UGT1A6: variants seen among roughly 807,000 people sequenced by gnomAD.
UGT1A6 encodes UDP glucuronosyltransferase family 1 member A6, also known as UDP-glucuronosyltransferase 1A6.
A neutral mutation model predicts 44.4 loss-of-function variants in UGT1A6; 32 were observed. The ratio of observed to expected loss-of-function variants is 0.72; its 90% CI spans 0.54 to 0.97. The LOEUF (loss-of-function observed/expected upper bound fraction) is 0.97, where lower values mean the gene tolerates loss of function less well. Among genes scored for constraint, UGT1A6 ranks in the 50% least tolerant of loss-of-function variants. UGT1A6 has a pLI of 0.00. For missense variants in UGT1A6, 685 were observed against 661.9 expected (o/e 1.03, Z -0.38); for synonymous variants, 238 against 248.5 (o/e 0.96, Z 0.40).
intron 1 of UGT1A6, among the ~76,000 whole-genome samples, chr2:233,757,562 G>GTATATATATATATATATATATATACATA (rs1491042837): frequency 2.2e-5 from 2 of 90,870 alleles, no homozygotes; most frequent in African/African-American, 1.0e-4. Flanking sequence ...ATATATATAT[G>GTATATATATATATATATATATATACATA]TATATATGAT....
In UGT1A6 at chr2:233,761,069, T is replaced by C. The variant is rs772142239; in HGVS notation, c.862-5965T>C. Reference sequence around the variant, plus strand: ...GTCTGGCTGTTTAGAAGTGACTTTGTGAAGGATTACCCTAGGCCCATCATG... The same window carrying C: ...GTCTGGCTGTTTAGAAGTGACTTTGCGAAGGATTACCCTAGGCCCATCATG... On this transcript the variant is annotated intron_variant, in intron 1 of 4. Coordinates refer to ENST00000305139, the MANE Select transcript of UGT1A6 (RefSeq NM_001072.4). 13 of 1,614,208 alleles carry C rather than the reference T, an allele frequency of 8.1e-6. No homozygotes were observed. In the East Asian group the frequency reaches 2.7e-4, roughly 33 times the overall value.
At chr2:233,768,066 C>A in intron 3 of UGT1A6, 130 bp downstream of exon 3, 1 of 1,597,468 alleles carries the variant, frequency 6.3e-7, no homozygotes, top group Non-Finnish European at 8.5e-7. Context: ...TGCTTTTTAT[C>A]TAGTGGGGTA....
intron 1 of UGT1A6, among the ~76,000 whole-genome samples, chr2:233,758,517 G>C (rs1696901755): frequency 6.6e-6 from 1 of 152,214 alleles, no homozygotes; most frequent in Non-Finnish European, 1.5e-5. Flanking sequence ...ACACAACAAA[G>C]AGTGAAAGCA....
chr2:233,748,214 G>A, intron 1 of UGT1A6: 1 of 1,480,602 alleles, frequency 6.8e-7, no homozygotes, highest in Non-Finnish European at 9.1e-7. Flanking sequence ...AGCCTTCAGT[G>A]AGATAAACTG....
At chr2:233,754,596 T>C (rs1463963826) in intron 1 of UGT1A6, 2 of 431,834 alleles carry the variant, frequency 4.6e-6, no homozygotes, top group Non-Finnish European at 9.3e-6. Context: ...TGAAGGACTT[T>C]AACTCAACTC....
At chr2:233,725,198 A>AGAGGCAGAGGCAGAGGCAGAG (rs1377722142) in intron 1 of UGT1A6, among the ~76,000 whole-genome samples, 1 of 86,634 alleles carries the variant, frequency 1.2e-5, no homozygotes, top group Non-Finnish European at 2.0e-5. Context: ...AGGCAGAGGC[A>AGAGGCAGAGGCAGAGGCAGAG]GAGGCAGAGG....
intron 1 of UGT1A6, among the ~76,000 whole-genome samples, chr2:233,702,959 T>C (rs1364239981): frequency 1.3e-5 from 2 of 152,224 alleles, no homozygotes; most frequent in Non-Finnish European, 2.9e-5. Flanking sequence ...TGAATATTAC[T>C]GGCCTTGTAG....
chr2:233,747,722 G>T (rs554726929), intron 1 of UGT1A6: 13 of 1,612,764 alleles, frequency 8.1e-6, no homozygotes, highest in South Asian at 3.3e-5. Context: ...TTCCTGCTGT[G>T]TTTTTTTTGA....
intron 1 of UGT1A6, among the ~76,000 whole-genome samples, chr2:233,732,521 T>C (rs2078280152): frequency 6.6e-6 from 1 of 152,252 alleles, no homozygotes; most frequent in South Asian, 2.1e-4. Flanking sequence ...TCCAGCTTTC[T>C]ACATATGGCC....
intron 1 of UGT1A6, 131 bp downstream of exon 1, chr2:233,693,996 G>T: frequency 6.6e-7 from 1 of 1,508,252 alleles, no homozygotes; most frequent in African/African-American, 1.4e-5. Context: ...GTGATACCCG[G>T]CTCGGAGCAG....
intron 1 of UGT1A6, among the ~76,000 whole-genome samples, chr2:233,757,570 G>C (rs1278180964): frequency 1.3e-5 from 1 of 75,608 alleles, no homozygotes; most frequent in African/African-American, 6.1e-5. Context: ...ATGTATATAT[G>C]ATATAGCTAT....
intron 1 of UGT1A6, among the ~76,000 whole-genome samples, chr2:233,709,500 C>T (rs558289619): frequency 6.6e-6 from 1 of 152,232 alleles, no homozygotes; most frequent in Non-Finnish European, 1.5e-5. Context: ...AAGTCTCTGC[C>T]TCTTGCTCTC....
At chr2:233,737,076 G>C (rs183644627) in intron 1 of UGT1A6, among the ~76,000 whole-genome samples, 1 of 152,350 alleles carries the variant, frequency 6.6e-6, no homozygotes, top group East Asian at 1.9e-4. Flanking sequence ...CTTCAGAGCT[G>C]TCAGACAGGG....
At chr2:233,713,006 C>T (rs755278737) in intron 1 of UGT1A6, 4 of 1,613,544 alleles carry the variant, frequency 2.5e-6, no homozygotes, top group Non-Finnish European at 3.4e-6. Context: ...CCACAGGACT[C>T]CAGGTTCCCC....
At chr2:233,762,172 G>A (rs964461264) in intron 1 of UGT1A6, among the ~76,000 whole-genome samples, 8 of 152,040 alleles carry the variant, frequency 5.3e-5, no homozygotes, top group East Asian at 3.9e-4. Flanking sequence ...TGTATGCGGC[G>A]TCCTCAACAC....
At chr2:233,715,304 G>A (rs1362641009) in intron 1 of UGT1A6, among the ~76,000 whole-genome samples, 1 of 152,110 alleles carries the variant, frequency 6.6e-6, no homozygotes, top group Non-Finnish European at 1.5e-5. Flanking sequence ...CTCTTGAATA[G>A]GTTTTGCTTT....
chr2:233,696,093 A>G (rs546643053), intron 1 of UGT1A6, among the ~76,000 whole-genome samples: 84 of 152,330 alleles, frequency 5.5e-4, no homozygotes, highest in African/African-American at 1.8e-3. Flanking sequence ...GAGAGTCTTC[A>G]AAACAAAACA....
At chr2:233,760,684 A>G in intron 1 of UGT1A6, 1 of 1,614,204 alleles carries the variant, frequency 6.2e-7, no homozygotes, top group Non-Finnish European at 8.5e-7. Context: ...CTTACTGCAC[A>G]ACAAGGAGCT....
At chr2:233,721,420 A>G (rs2076943855) in intron 1 of UGT1A6, 1 of 156,132 alleles carries the variant, frequency 6.4e-6, no homozygotes, top group Admixed American at 6.5e-5. Context: ...AGGTACCCTA[A>G]GCATTGTGGT....
Sources: gnomAD v4.1 joint callset for allele counts (sites outside exome capture counted in the v4.1 genomes callset) on GRCh38, gnomAD v4.1.1 for gene constraint, MANE v1.5 for transcripts, NCBI Gene and HGNC (gene_info 2026-07-23, HGNC 2026-07-21) for gene names.